The following FSIP2 variants were observed in gnomAD, a reference collection of about 807,000 sequenced individuals.
FSIP2 encodes the protein fibrous sheath-interacting protein 2.
In FSIP2, 367 loss-of-function variants were observed where a neutral mutation model predicts 510.5. That is an observed-to-expected ratio of 0.72 (90% CI 0.66 to 0.78). FSIP2 has a LOEUF of 0.78. Among genes scored for constraint, FSIP2 ranks in the 30% least tolerant of loss-of-function variants. FSIP2 has a pLI of 0.00. For synonymous variants in FSIP2, 2,601 were observed against 2,732.2 expected (o/e 0.95, Z 1.50); for missense variants, 7,594 against 7,901.7 (o/e 0.96, Z 1.48).
intron 2 of FSIP2, among the ~76,000 whole-genome samples, chr2:185,739,993 T>G (rs911504397): frequency 5.9e-5 from 9 of 152,172 alleles, no homozygotes; most frequent in Non-Finnish European, 1.5e-5. Context: ...CTTACTTTAA[T>G]GAAAGAAAGC....
chr2:185,790,702 C>T lies in FSIP2; in HGVS notation c.3566C>T (p.Thr1189Ile). The change falls in exon 16 of 23, where the codon ACT becomes ATT. Residue 1189 changes from threonine to isoleucine, a missense_variant. Coordinates refer to ENST00000424728, the MANE Select transcript of FSIP2 (RefSeq NM_173651.4). ...GCATCAAACTACATTTCCAATACCA[C>T]TAAAAGTTCCATTTCATCATCAGTT... ...HKASNYISNT[T>I]KSSISSSVHQ... 1 of 1,533,980 alleles carries T rather than the reference C, an allele frequency of 6.5e-7. No individual in the cohort carries two copies. Among genetic ancestry groups the T allele is most frequent in the Non-Finnish European group, 8.7e-7 (1 of 1,145,436 alleles).
Position 185,794,943 on chromosome 2 carries a change from C to T in FSIP2, c.7807C>T (p.Gln2603Ter). The T allele has an allele frequency of 6.5e-7, 1 of 1,533,610 alleles. No individual in the cohort carries two copies. The highest frequency in any genetic ancestry group is 1.4e-5 in the African/African-American group (1 of 72,966). Residue 2603 changes from glutamine (Q) to a stop codon, truncating the protein, a stop_gained, in exon 16 of 23, where the codon CAG becomes TAG. Transcript: ENST00000424728. LOFTEE classifies it high-confidence loss of function. ...ISNSPRYAIS[Q>*]AYSYVDSQNI... is the part of the protein sequence containing the mutation. The stretch of plus-strand genomic sequence containing the variant: ...TAATTCCCCTAGATATGCGATATCA[C>T]AGGCTTATTCTTATGTCGACAGTCA...
rs1404545613 is a variant in FSIP2 at position 185,746,687 on chromosome 2, T to C, written c.636T>C (p.Ser212=). Residue 212 remains serine (S), a synonymous_variant, in exon 6 of 23, where the codon AGT becomes AGC. Transcript: ENST00000424728. ...LMRHRYLDMI[S]RKLEQLERTA... ...TACTCAGATATTTGGATATGATAAGTAGAAAACTAGAACAACTTGAACGCA... is the reference window on the plus strand; with the variant it reads ...TACTCAGATATTTGGATATGATAAGCAGAAAACTAGAACAACTTGAACGCA... The C allele has an allele frequency of 6.6e-7, 1 of 1,519,224 alleles. No individual in the cohort carries two copies. The highest frequency in any genetic ancestry group is 8.8e-7 in the Non-Finnish European group (1 of 1,140,446). The allele number at this position is 1,519,224 out of a possible 1,614,324, so 94.1% of individuals were successfully genotyped here. A position where few individuals can be genotyped will look rare whatever the true frequency, so the allele number is the denominator to read the frequency against.
At position 185,804,377 on chromosome 2, in the gene FSIP2, T is replaced by C. The variant is rs1443633697; in HGVS notation, c.15071T>C (p.Ile5024Thr). Reference sequence around the variant, plus strand: ...AGATACAAAGAAATGGTTCAAAAAATAGTCAACTCAGTATATGGAAAAGTA... The same window carrying C: ...AGATACAAAGAAATGGTTCAAAAAACAGTCAACTCAGTATATGGAAAAGTA... ...SERYKEMVQKIVNSVYGKVLD... is the reference protein window; with the variant it reads ...SERYKEMVQKTVNSVYGKVLD... The change falls in exon 17 of 23, where the codon ATA becomes ACA. Residue 5024 changes from isoleucine (I) to threonine (T), a missense_variant. Coordinates refer to ENST00000424728, the MANE Select transcript of FSIP2 (RefSeq NM_173651.4). 4.0e-6 allele frequency: 6 copies of C among 1,501,496 alleles called. No homozygotes were observed. Among genetic ancestry groups the C allele is most frequent in the African/African-American group, 1.4e-5 (1 of 71,288 alleles). The allele number at this position is 1,501,496 out of a possible 1,614,324, so 93.0% of individuals were successfully genotyped here. A position where few individuals can be genotyped will look rare whatever the true frequency, so the allele number is the denominator to read the frequency against.
In FSIP2 at chr2:185,807,742, G is replaced by A. The variant is rs368975456; in HGVS notation, c.18436G>A (p.Val6146Ile). The change falls in exon 17 of 23, where the codon GTT (valine) becomes ATT (isoleucine). Residue 6146 changes from valine to isoleucine, a missense_variant. By Grantham distance (29) the Val-to-Ile change is conservative. Transcript: ENST00000424728. Reference protein sequence around the residue: ...GELTPHQCVEVENIVEKILKD... With the variant: ...GELTPHQCVEIENIVEKILKD... ...GCTAACTCCACATCAGTGTGTGGAA[G>A]TTGAAAACATCGTTGAAAAGATCCT... 1.2e-6 allele frequency: 2 copies of A among 1,612,110 alleles called. No individual in the cohort carries two copies. Among genetic ancestry groups the A allele is most frequent in the Non-Finnish European group, 1.7e-6 (2 of 1,178,992 alleles).
Position 185,802,468 on chromosome 2 carries a change from G to T in FSIP2, c.13162G>T (p.Asp4388Tyr), listed in dbSNP as rs1321802538. The T allele has an allele frequency of 6.5e-7, 1 of 1,533,850 alleles. No individual in the cohort carries two copies. Among genetic ancestry groups the T allele is most frequent in the South Asian group, 1.2e-5 (1 of 83,964 alleles). ...YRNALKQHGLDLAVDKESEDS... is the reference protein window; with the variant it reads ...YRNALKQHGLYLAVDKESEDS... ...AAATGCTTTAAAGCAGCATGGGCTA[G>T]ACCTTGCTGTTGATAAAGAGTCTGA... Residue 4388 changes from aspartate to tyrosine, a missense_variant, in exon 17 of 23, where the codon GAC becomes TAC. Asp to Tyr is a radical substitution (Grantham distance 160). Transcript: ENST00000424728.
Position 185,753,773 on chromosome 2 carries a change from G to T in FSIP2, c.922G>T (p.Asp308Tyr). ...KMAYHLQKMQ[D>Y]TGFNGEDIGK... ...GGCTTATCATTTACAAAAAATGCAA[G>T]ATACTGGCTTTAACGGAGAAGATAT... The change falls in exon 8 of 23, where the codon GAT (aspartate) becomes TAT (tyrosine). Residue 308 changes from aspartate to tyrosine, a missense_variant. Transcript: ENST00000424728. 7.0e-7 allele frequency: 1 copy of T among 1,437,020 alleles called. No individual in the cohort carries two copies. Among genetic ancestry groups the T allele is most frequent in the East Asian group, 2.5e-5 (1 of 39,390 alleles). 89.0% of individuals were successfully genotyped at this position (1,437,020 alleles called of 1,614,324 possible). A position where few individuals can be genotyped will look rare whatever the true frequency, so the allele number is the denominator to read the frequency against.
chr2:185,790,686 T>C lies in FSIP2; in HGVS notation c.3550T>C (p.Tyr1184His). 6.5e-7 allele frequency: 1 copy of C among 1,534,024 alleles called. No homozygotes were observed. Among genetic ancestry groups the C allele is most frequent in the Admixed American group, 2.0e-5 (1 of 50,858 alleles). ...AAACATACTTCATAAGGCATCAAAC[T>C]ACATTTCCAATACCACTAAAAGTTC... ...VLNILHKASN[Y>H]ISNTTKSSIS... Residue 1184 changes from tyrosine (Y) to histidine (H), a missense_variant, in exon 16 of 23, where the codon TAC becomes CAC. Tyr to His is a moderately conservative substitution (Grantham distance 83, BLOSUM62 2). Transcript: ENST00000424728.
At chr2:185,827,030 G>A (rs1481346123) in intron 20 of FSIP2, among the ~76,000 whole-genome samples, 1 of 151,724 alleles carries the variant, frequency 6.6e-6, no homozygotes, top group Non-Finnish European at 1.5e-5. Context: ...TAGTTTTTCT[G>A]GGGAGTTGGA....
At chr2:185,737,317 C>G (rs1691802341), upstream of FSIP2, among the ~76,000 whole-genome samples, 1 of 152,192 alleles carries the variant, frequency 6.6e-6, no homozygotes, top group Non-Finnish European at 1.5e-5. Flanking sequence ...GGCCATTACA[C>G]ACTTTGCGCT....
Position 185,829,352 on chromosome 2 carries a change from A to C in FSIP2, c.20517+1153A>C, listed in dbSNP as rs148914771. ...TACTGAGGATTCTGAAAAATAAATA[A>C]CAAGAGTTAGGGCAGGGGAATCAAA... On this transcript the variant is annotated intron_variant, in intron 21 of 22. Coordinates refer to ENST00000424728, the MANE Select transcript of FSIP2 (RefSeq NM_173651.4). Among the ~76,000 whole-genome samples the C allele has an allele frequency of 3.4e-4, 52 of 152,104 alleles. 1 individual carries two copies. Among genetic ancestry groups the C allele is most frequent in the Admixed American group, 9.2e-4 (14 of 15,262 alleles).
At chr2:185,778,199 A>T (rs952324621) in intron 13 of FSIP2, among the ~76,000 whole-genome samples, 11 of 151,974 alleles carry the variant, frequency 7.2e-5, no homozygotes, top group African/African-American at 2.4e-4. Context: ...AAGCAGATGT[A>T]CTCAGGTAAC....
chr2:185,818,489 A>C (rs1212847461), intron 19 of FSIP2, among the ~76,000 whole-genome samples: 1 of 151,986 alleles, frequency 6.6e-6, no homozygotes, highest in Non-Finnish European at 1.5e-5. Flanking sequence ...AACTTCAAGC[A>C]GAATGAACAC....
chr2:185,745,018 A>T (rs1194961039), intron 4 of FSIP2: 1 of 153,426 alleles, frequency 6.5e-6, no homozygotes, highest in Non-Finnish European at 1.4e-5. Flanking sequence ...TTCAGATTTT[A>T]GGGTCAAGAG....
chr2:185,769,094 T>C (rs1465515183), intron 13 of FSIP2, among the ~76,000 whole-genome samples: 2 of 152,216 alleles, frequency 1.3e-5, no homozygotes, highest in East Asian at 1.9e-4. Flanking sequence ...GCAATGAACA[T>C]ACACATGCGT....
rs115681248 is a variant in FSIP2, at chr2:185,777,826, T to C, written c.1412-4879T>C. Among the ~76,000 whole-genome samples the C allele has an allele frequency of 6.6e-3, 1,003 of 152,234 alleles. 13 individuals carry two copies. The highest frequency in any genetic ancestry group is 0.022 in the African/African-American group (921 of 41,560). On this transcript the variant is annotated intron_variant, in intron 13 of 22. Transcript: ENST00000424728. ...GGGTTGTAATTTTCCTTTCTCATAG[T>C]ATCCTGATACAGTTTTCGTGTCAAG...
At position 185,794,806 on chromosome 2, in the gene FSIP2, C is replaced by G; in HGVS notation, c.7670C>G (p.Ser2557Ter). 6.5e-7 allele frequency: 1 copy of G among 1,532,248 alleles called. No homozygotes were observed. Among genetic ancestry groups the G allele is most frequent in the Non-Finnish European group, 8.7e-7 (1 of 1,144,194 alleles). The allele number at this position is 1,532,248 out of a possible 1,614,324, so 94.9% of individuals were successfully genotyped here. The stretch of plus-strand genomic sequence containing the variant: ...AAAATGTACTTGGTAGTTGTGACAT[C>G]ATTATATGAAAATAATAAAAGTAGG... ...LGKMYLVVVT[S>*]LYENNKSRTE... The change falls in exon 16 of 23, where the codon TCA (serine) becomes TGA (stop). Residue 2557 changes from serine (S) to a stop codon, truncating the protein, a stop_gained. Coordinates refer to ENST00000424728, the MANE Select transcript of FSIP2 (RefSeq NM_173651.4). LOFTEE classifies it high-confidence loss of function.
chr2:185,789,639 G>C lies in FSIP2; in HGVS notation c.2503G>C (p.Val835Leu). The C allele has an allele frequency of 6.5e-7, 1 of 1,534,278 alleles. No individual in the cohort carries two copies. Among genetic ancestry groups the C allele is most frequent in the African/African-American group, 1.4e-5 (1 of 72,994 alleles). Residue 835 changes from valine (V) to leucine (L), a missense_variant, in exon 16 of 23, where the codon GTT (valine) becomes CTT (leucine). Val to Leu is a conservative substitution (Grantham distance 32, BLOSUM62 1). Transcript: ENST00000424728. ...HAILEKLMTLVSFKQNEFLHL... is the reference protein window; with the variant it reads ...HAILEKLMTLLSFKQNEFLHL... ...CATTTTAGAAAAGCTAATGACTCTT[G>C]TTTCTTTTAAGCAAAATGAATTTCT...
intron 17 of FSIP2, among the ~76,000 whole-genome samples, chr2:185,813,133 G>A (rs982321493): frequency 6.6e-6 from 1 of 152,010 alleles, no homozygotes; most frequent in Non-Finnish European, 1.5e-5. Flanking sequence ...ATCAAGATCA[G>A]TGAATATGTT....
Sources: gnomAD v4.1 joint callset for allele counts (sites outside exome capture counted in the v4.1 genomes callset) on GRCh38, gnomAD v4.1.1 for gene constraint, MANE v1.5 for transcripts, NCBI Gene and HGNC (gene_info 2026-07-23, HGNC 2026-07-21) for gene names.